Variants in EMCN observed in about 807,000 individuals in gnomAD.
EMCN encodes the protein MUC-14.
In EMCN, 37 loss-of-function variants were observed where a neutral mutation model predicts 38.4. That is an observed-to-expected ratio of 0.96 (90% confidence interval 0.74 to 1.27). The LOEUF (loss-of-function observed/expected upper bound fraction) is 1.27, where lower values mean the gene tolerates loss of function less well. Ranked by LOEUF, EMCN falls within the 50% of genes most tolerant of loss-of-function variation. The probability of loss-of-function intolerance (pLI) is 0.00; values close to 1 mark genes in which losing one functional copy is unlikely to be tolerated. For missense variants in EMCN, 318 were observed against 302.8 expected, an observed-to-expected ratio of 1.05 and a Z score of -0.37; for synonymous variants, 95 against 100.8, an observed-to-expected ratio of 0.94 and a Z score of 0.35.
At chr4:100,448,442 C>T (rs1244548519) in intron 4 of EMCN, among the ~76,000 whole-genome samples, 2 of 152,092 alleles carry the variant, frequency 1.3e-5, no homozygotes, top group Non-Finnish European at 2.9e-5. Context: ...CCGTTGCTTT[C>T]TTGGTTCAAT....
At chr4:100,416,092 G>A (rs113280239) in intron 9 of EMCN, 133 bp from the exon 10 acceptor site, 140 of 355,770 alleles carry the variant, frequency 3.9e-4, no homozygotes, top group Middle Eastern at 7.5e-4. Flanking sequence ...ATATATATAC[G>A]TGTGTGTGTG....
intron 1 of EMCN, among the ~76,000 whole-genome samples, chr4:100,482,042 C>T (rs1282110254): frequency 6.6e-6 from 1 of 152,022 alleles, no homozygotes; most frequent in African/African-American, 2.4e-5. Flanking sequence ...TATGATTTAT[C>T]ACATGATATC....
At chr4:100,433,529 T>C (rs1447930643) in intron 5 of EMCN, among the ~76,000 whole-genome samples, 1 of 151,656 alleles carries the variant, frequency 6.6e-6, no homozygotes, top group Non-Finnish European at 1.5e-5. Flanking sequence ...CTCCATACTA[T>C]TTTATTTTTT....
intron 10 of EMCN, among the ~76,000 whole-genome samples, chr4:100,411,155 C>T (rs543561198): frequency 3.1e-4 from 47 of 152,108 alleles, no homozygotes; most frequent in Non-Finnish European, 6.0e-4. Flanking sequence ...TTACTTGTAC[C>T]ATCACGGCAA....
chr4:100,446,126 A>G, intron 5 of EMCN: 1 of 985,344 alleles, frequency 1.0e-6, no homozygotes. Flanking sequence ...TCTCCTTGAT[A>G]GTCAATCTGT....
intron 4 of EMCN, among the ~76,000 whole-genome samples, chr4:100,458,904 C>T (rs1299331564): frequency 1.3e-5 from 2 of 152,140 alleles, no homozygotes; most frequent in Admixed American, 1.3e-4. Context: ...ATGGTAAAAC[C>T]TCATAAACAT....
intron 5 of EMCN, among the ~76,000 whole-genome samples, chr4:100,443,249 C>T (rs1177557497): frequency 6.6e-6 from 1 of 152,206 alleles, no homozygotes; most frequent in Non-Finnish European, 1.5e-5. Flanking sequence ...ACCATGCTTC[C>T]TTGCTTTCAT....
At position 100,517,983 on chromosome 4, in the gene EMCN, G is replaced by T; in HGVS notation, c.-69C>A. 6.7e-7 allele frequency: 1 copy of T among 1,489,792 alleles called. No homozygotes were observed. Among genetic ancestry groups the T allele is most frequent in the Non-Finnish European group, 9.4e-7 (1 of 1,067,592 alleles). 92.3% of individuals were successfully genotyped at this position (1,489,792 alleles called of 1,614,324 possible). ...GCAGGGACAATTCCCTCCCAGCCTGGCAGGGCCTTATTAGCAAATGGAAAA... is the reference window on the plus strand; with the variant it reads ...GCAGGGACAATTCCCTCCCAGCCTGTCAGGGCCTTATTAGCAAATGGAAAA... On this transcript the variant is annotated 5_prime_UTR_variant, in exon 1 of 12. Transcript: ENST00000296420.
At chr4:100,463,132 C>A (rs1030176479) in intron 4 of EMCN, among the ~76,000 whole-genome samples, 7 of 152,072 alleles carry the variant, frequency 4.6e-5, no homozygotes, top group Admixed American at 2.0e-4. Flanking sequence ...GTGAGAAGTA[C>A]CTGTTGTGAG....
At chr4:100,505,217 C>T (rs188259107) in intron 1 of EMCN, among the ~76,000 whole-genome samples, 5 of 152,234 alleles carry the variant, frequency 3.3e-5, no homozygotes, top group East Asian at 1.9e-4. Flanking sequence ...CTGGTCTCCG[C>T]GTCTTGGTGG....
At chr4:100,404,157 T>C (rs1197580588) in intron 11 of EMCN, among the ~76,000 whole-genome samples, 1 of 152,056 alleles carries the variant, frequency 6.6e-6, no homozygotes, top group East Asian at 1.9e-4. Flanking sequence ...TGGTATTTCC[T>C]AGGTATTCTT....
intron 4 of EMCN, among the ~76,000 whole-genome samples, chr4:100,459,013 C>A (rs182934937): frequency 2.5e-4 from 38 of 150,420 alleles, no homozygotes. Context: ...GGCAAATCCA[C>A]ATGAAAAAAA....
rs148876990 is a variant in EMCN, at chr4:100,438,845, G to A, written c.415+8688C>T. On this transcript the variant is annotated intron_variant, in intron 5 of 11. Coordinates refer to ENST00000296420, the MANE Select transcript of EMCN (RefSeq NM_016242.4). ...GCTTTTTCTGTGTCAAGATCATTGT[G>A]TGGTTTTTATCTTTCATTCTGTTAA... Among the ~76,000 whole-genome samples, 91 of 151,902 alleles carry A rather than the reference G, an allele frequency of 6.0e-4. 1 individual carries two copies. In the East Asian group the frequency reaches 0.01, roughly 17 times the overall value.
At chr4:100,452,855 G>T (rs1578203457) in intron 4 of EMCN, among the ~76,000 whole-genome samples, 1 of 152,052 alleles carries the variant, frequency 6.6e-6, no homozygotes, top group Admixed American at 6.6e-5. Context: ...ACAGAACAGA[G>T]CCCTCAGAAA....
At chr4:100,470,149 A>G (rs1482774975) in intron 3 of EMCN, among the ~76,000 whole-genome samples, 2 of 152,026 alleles carry the variant, frequency 1.3e-5, no homozygotes, top group Non-Finnish European at 2.9e-5. Flanking sequence ...TGCATCCAAC[A>G]AAAGTCTAAT....
intron 8 of EMCN, among the ~76,000 whole-genome samples, chr4:100,420,385 G>A (rs1219273298): frequency 6.6e-6 from 1 of 152,008 alleles, no homozygotes; most frequent in African/African-American, 2.4e-5. Flanking sequence ...GGGTAAGTTG[G>A]AGATTAGGTA....
rs914198230 is a variant in EMCN, at chr4:100,397,048, G to A, written c.*1365C>T. On this transcript the variant is annotated 3_prime_UTR_variant, in exon 12 of 12. Coordinates refer to ENST00000296420, the MANE Select transcript of EMCN (RefSeq NM_016242.4). ...TTGATTATAAATAGTCCAAACATCA[G>A]GAAACTAAAATCAAGGTGATTATAT... 2.0e-5 allele frequency: 3 copies of A among 151,234 alleles called. No homozygotes were observed. Among genetic ancestry groups the A allele is most frequent in the Non-Finnish European group, 4.4e-5 (3 of 67,886 alleles). 9.4% of individuals were successfully genotyped at this position (151,234 alleles called of 1,614,324 possible). A position where few individuals can be genotyped will look rare whatever the true frequency, so the allele number is the denominator to read the frequency against.
chr4:100,443,390 A>G (rs942570366), intron 5 of EMCN, among the ~76,000 whole-genome samples: 11 of 152,196 alleles, frequency 7.2e-5, no homozygotes, highest in Non-Finnish European at 1.5e-4. Context: ...CTCTGGTTAC[A>G]TGTAGGCACA....
chr4:100,458,537 CT>C (rs1728081024), intron 4 of EMCN, among the ~76,000 whole-genome samples: 2 of 152,072 alleles, frequency 1.3e-5, no homozygotes, highest in Non-Finnish European at 2.9e-5. Context: ...ACTTTTATAA[CT>C]TTTGATAAAT....
Sources: gnomAD v4.1 joint callset for allele counts (sites outside exome capture counted in the v4.1 genomes callset) on GRCh38, gnomAD v4.1.1 for gene constraint, MANE v1.5 for transcripts, NCBI Gene and HGNC (gene_info 2026-07-23, HGNC 2026-07-21) for gene names.